The following BBS9 variants were observed in gnomAD, a reference collection of about 807,000 sequenced individuals.
BBS9 encodes the protein protein PTHB1.
In BBS9, 89 loss-of-function variants were observed where a neutral mutation model predicts 117.7. That is an observed-to-expected ratio of 0.76 (90% CI 0.64 to 0.90). The LOEUF (loss-of-function observed/expected upper bound fraction) is 0.90. Ranked by LOEUF, BBS9 falls within the 40% of genes least tolerant of loss-of-function variation. The pLI, the probability that BBS9 is intolerant of heterozygous loss-of-function variation, is 0.00. For synonymous variants in BBS9, 379 were observed against 370.9 expected, an observed-to-expected ratio of 1.02 and a Z score of -0.25; for missense variants, 982 against 1,042.2, an observed-to-expected ratio of 0.94 and a Z score of 0.80.
intron 5 of BBS9, among the ~76,000 whole-genome samples, chr7:33,252,047 C>T (rs1796299359): frequency 6.6e-6 from 1 of 152,024 alleles, no homozygotes; most frequent in Non-Finnish European, 1.5e-5. Flanking sequence ...CTGGGGAGGC[C>T]TCAGGAAACT....
chr7:33,136,926 C>G (rs2128064662), intron 1 of BBS9, among the ~76,000 whole-genome samples: 1 of 152,226 alleles, frequency 6.6e-6, no homozygotes, highest in South Asian at 2.1e-4. Context: ...TAGAGTCCAC[C>G]AGTGGATCTG....
chr7:33,189,636 C>A (rs954371806), intron 5 of BBS9, among the ~76,000 whole-genome samples: 9 of 151,608 alleles, frequency 5.9e-5, no homozygotes, highest in African/African-American at 2.2e-4. Flanking sequence ...GCCTGTAATC[C>A]CAGCACTTTG....
At chr7:33,221,066 A>G (rs1790153959) in intron 5 of BBS9, among the ~76,000 whole-genome samples, 2 of 152,318 alleles carry the variant, frequency 1.3e-5, no homozygotes, top group East Asian at 1.9e-4. Flanking sequence ...TGTCTTATCA[A>G]CTGCGGCCAA....
chr7:33,481,281 A>G (rs1008444952), intron 19 of BBS9, among the ~76,000 whole-genome samples: 2 of 152,168 alleles, frequency 1.3e-5, no homozygotes, highest in African/African-American at 4.8e-5. Flanking sequence ...TGAAGAGGCT[A>G]ATATAGGAGA....
chr7:33,232,808 C>G (rs1792741155), intron 5 of BBS9, among the ~76,000 whole-genome samples: 1 of 151,998 alleles, frequency 6.6e-6, no homozygotes, highest in African/African-American at 2.4e-5. Flanking sequence ...GTATGTGTAT[C>G]TGTTTCTAAT....
intron 21 of BBS9, among the ~76,000 whole-genome samples, chr7:33,565,223 C>A (rs1856667111): frequency 6.6e-6 from 1 of 152,150 alleles, no homozygotes; most frequent in Non-Finnish European, 1.5e-5. Flanking sequence ...TCACATATTT[C>A]CATGTACTAC....
chr7:33,540,777 G>A (rs533021128), intron 21 of BBS9, among the ~76,000 whole-genome samples: 21 of 152,314 alleles, frequency 1.4e-4, no homozygotes, highest in East Asian at 7.7e-4. Context: ...ACTAACCCAA[G>A]TCCTTTGCAG....
intron 5 of BBS9, among the ~76,000 whole-genome samples, chr7:33,200,145 A>G (rs1234084173): frequency 1.3e-5 from 2 of 151,744 alleles, no homozygotes; most frequent in East Asian, 3.9e-4. Flanking sequence ...CCTTTTTCTT[A>G]TCCTCCTTCC....
At chr7:33,454,612 G>A (rs529070676) in intron 19 of BBS9, among the ~76,000 whole-genome samples, 2 of 152,328 alleles carry the variant, frequency 1.3e-5, no homozygotes, top group African/African-American at 4.8e-5. Flanking sequence ...ATCATGATTG[G>A]CTCAGACAAA....
intron 9 of BBS9, among the ~76,000 whole-genome samples, chr7:33,296,600 G>C (rs201104713): frequency 2.0e-5 from 3 of 152,172 alleles, no homozygotes; most frequent in Non-Finnish European, 2.9e-5. Flanking sequence ...CAGCTAGCCA[G>C]GGAAAACACT....
chr7:33,580,095 A>G (rs976660719), intron 21 of BBS9, among the ~76,000 whole-genome samples: 1 of 152,196 alleles, frequency 6.6e-6, no homozygotes, highest in Admixed American at 6.5e-5. Flanking sequence ...AAAAAATCCT[A>G]CAAGATAGGT....
chr7:33,522,096 A>G (rs1001229369), intron 20 of BBS9, among the ~76,000 whole-genome samples: 28 of 151,926 alleles, frequency 1.8e-4, no homozygotes, highest in Non-Finnish European at 2.6e-4. Flanking sequence ...TTATGGCTGC[A>G]TAGTATTCCA....
intron 20 of BBS9, among the ~76,000 whole-genome samples, chr7:33,526,901 G>C (rs1270142558): frequency 6.7e-6 from 1 of 149,660 alleles, no homozygotes; most frequent in Non-Finnish European, 1.5e-5. Flanking sequence ...GGTCTTTGAT[G>C]ATGGTGATGT....
At chr7:33,310,587 T>C (rs1809001451) in intron 9 of BBS9, among the ~76,000 whole-genome samples, 1 of 152,234 alleles carries the variant, frequency 6.6e-6, no homozygotes, top group African/African-American at 2.4e-5. Context: ...GGGACTGCCT[T>C]GTGCAACCAG....
At chr7:33,237,142 T>C (rs1182189131) in intron 5 of BBS9, among the ~76,000 whole-genome samples, 2 of 152,342 alleles carry the variant, frequency 1.3e-5, no homozygotes, top group Middle Eastern at 6.8e-3. Context: ...GAAATCTCAC[T>C]CTTGTGCCAA....
intron 19 of BBS9, among the ~76,000 whole-genome samples, chr7:33,450,497 C>T (rs118180447): frequency 0.01 from 1,528 of 152,294 alleles, 8 homozygotes; most frequent in Non-Finnish European, 0.018. Flanking sequence ...ACCAACAGTG[C>T]ACAAGGATTC....
chr7:33,415,365 C>T (rs1026587488), intron 19 of BBS9, among the ~76,000 whole-genome samples: 1 of 152,034 alleles, frequency 6.6e-6, no homozygotes, highest in Non-Finnish European at 1.5e-5. Context: ...CTCTAAGAGA[C>T]CTGGAGACAA....
At chr7:33,261,113 T>A (rs1797917344) in intron 6 of BBS9, among the ~76,000 whole-genome samples, 1 of 152,050 alleles carries the variant, frequency 6.6e-6, no homozygotes, top group African/African-American at 2.4e-5. Context: ...TCTGAAGTGC[T>A]TTTCCTTCTT....
intron 11 of BBS9, among the ~76,000 whole-genome samples, chr7:33,343,965 T>C (rs1817054025): frequency 6.6e-6 from 1 of 152,142 alleles, no homozygotes; most frequent in East Asian, 1.9e-4. Flanking sequence ...GGTCTTCTTC[T>C]ATGCAATATA....
Sources: allele counts gnomAD v4.1 joint callset (sites outside exome capture counted in the v4.1 genomes callset), GRCh38; gene constraint gnomAD v4.1.1; transcripts MANE v1.5; gene names NCBI Gene and HGNC (gene_info 2026-07-23, HGNC 2026-07-21).